The following ITFG1 variants were observed in gnomAD, a reference collection of about 807,000 sequenced individuals.
ITFG1 encodes the protein integrin alpha FG-GAP repeat containing 1.
In ITFG1, 34 loss-of-function variants were observed where a neutral mutation model predicts 81.8. The ratio of observed to expected loss-of-function variants is 0.42; its 90% confidence interval spans 0.32 to 0.55. The LOEUF is 0.55. Among genes scored for constraint, ITFG1 ranks in the 20% least tolerant of loss-of-function variants. ITFG1 has a pLI of 0.17. For synonymous variants in ITFG1, 285 were observed against 270.6 expected, an observed-to-expected ratio of 1.05 and a Z score of -0.52; for missense variants, 672 against 755.4, an observed-to-expected ratio of 0.89 and a Z score of 1.29.
At chr16:47,308,880 AT>A (rs1967211954) in intron 10 of ITFG1, among the ~76,000 whole-genome samples, 2 of 152,164 alleles carry the variant, frequency 1.3e-5, no homozygotes, top group Admixed American at 6.5e-5. Context: ...CTTGCAATGT[AT>A]TAATAACAAT....
At chr16:47,373,028 T>A (rs1042099225) in intron 7 of ITFG1, among the ~76,000 whole-genome samples, 1 of 152,166 alleles carries the variant, frequency 6.6e-6, no homozygotes, top group Non-Finnish European at 1.5e-5. Flanking sequence ...CCTAAAACAA[T>A]AGCTTCTCAG....
chr16:47,262,347 A>G (rs969469191), intron 10 of ITFG1, among the ~76,000 whole-genome samples: 1 of 152,222 alleles, frequency 6.6e-6, no homozygotes, highest in Admixed American at 6.5e-5. Flanking sequence ...CCTGTCTAAC[A>G]ATGAATTTTA....
chr16:47,411,832 G>A (rs1486916743), intron 6 of ITFG1, among the ~76,000 whole-genome samples: 1 of 152,170 alleles, frequency 6.6e-6, no homozygotes, highest in Admixed American at 6.5e-5. Context: ...GAGCGCTCTT[G>A]CAAATGTAGT....
intron 14 of ITFG1, among the ~76,000 whole-genome samples, chr16:47,200,825 A>G (rs775694401): frequency 2.6e-5 from 4 of 152,206 alleles, no homozygotes; most frequent in Admixed American, 6.5e-5. Context: ...GTTTTAATTA[A>G]CTCTCTAGGT....
chr16:47,258,523 G>A, intron 12 of ITFG1, 109 bp downstream of exon 12: 1 of 631,584 alleles, frequency 1.6e-6, no homozygotes, highest in Non-Finnish European at 2.8e-6. Context: ...TGCTGTACTG[G>A]TTGATCTGAT....
At chr16:47,244,794 A>C (rs1437185593) in intron 12 of ITFG1, among the ~76,000 whole-genome samples, 1 of 151,986 alleles carries the variant, frequency 6.6e-6, no homozygotes, top group Non-Finnish European at 1.5e-5. Context: ...CAGGGAGAGG[A>C]TCAGTGTCTC....
intron 5 of ITFG1, among the ~76,000 whole-genome samples, chr16:47,435,555 T>C (rs908970940): frequency 2.6e-5 from 4 of 152,220 alleles, no homozygotes; most frequent in East Asian, 1.9e-4. Context: ...TTAAATGTAA[T>C]TAATGTCAGC....
At chr16:47,328,342 C>T (rs1400576912) in intron 8 of ITFG1, among the ~76,000 whole-genome samples, 3 of 151,764 alleles carry the variant, frequency 2.0e-5, no homozygotes, top group Admixed American at 6.6e-5. Flanking sequence ...AAGGCGGGAG[C>T]GATAGCATTA....
chr16:47,281,944 T>C (rs1966455545), intron 10 of ITFG1, among the ~76,000 whole-genome samples: 1 of 152,100 alleles, frequency 6.6e-6, no homozygotes, highest in Admixed American at 6.6e-5. Flanking sequence ...GTCTGGGCTT[T>C]TAGTATACAA....
At chr16:47,181,442 G>A (rs1486277187) in intron 14 of ITFG1, among the ~76,000 whole-genome samples, 1 of 142,010 alleles carries the variant, frequency 7.0e-6, no homozygotes, top group African/African-American at 2.7e-5. Context: ...CCCCGTCCGG[G>A]AGGGAGGTGG....
chr16:47,161,599 G>A (rs1964806316), intron 16 of ITFG1, 151 bp downstream of exon 16: 4 of 493,510 alleles, frequency 8.1e-6, no homozygotes, highest in Middle Eastern at 2.9e-4. Context: ...ATGTAAGTAT[G>A]TTTAGTCATT....
At chr16:47,386,131 T>G (rs1293814615) in intron 6 of ITFG1, among the ~76,000 whole-genome samples, 1 of 152,122 alleles carries the variant, frequency 6.6e-6, no homozygotes, top group Non-Finnish European at 1.5e-5. Context: ...GACAGTGTGA[T>G]CCCTACAGAC....
chr16:47,216,260 C>G (rs1464311825), intron 14 of ITFG1, among the ~76,000 whole-genome samples: 1 of 151,984 alleles, frequency 6.6e-6, no homozygotes, highest in African/African-American at 2.4e-5. Context: ...AGTGCAATGC[C>G]CTCAGCTCAC....
intron 14 of ITFG1, among the ~76,000 whole-genome samples, chr16:47,181,654 GC>G (rs1965125003): frequency 6.6e-6 from 1 of 152,014 alleles, no homozygotes; most frequent in Non-Finnish European, 1.5e-5. Flanking sequence ...GAGCCCCTCT[GC>G]CCGGCCACCA....
At chr16:47,320,311 C>T (rs1195961783) in intron 8 of ITFG1, among the ~76,000 whole-genome samples, 9 of 152,140 alleles carry the variant, frequency 5.9e-5, no homozygotes, top group Non-Finnish European at 2.9e-5. Flanking sequence ...CTGTGATTTA[C>T]TAATATTTTG....
chr16:47,447,023 G>A (rs933526991), intron 5 of ITFG1, among the ~76,000 whole-genome samples: 2 of 151,848 alleles, frequency 1.3e-5, no homozygotes, highest in African/African-American at 4.8e-5. Flanking sequence ...CATCATGCTC[G>A]ATTAATTTTT....
chr16:47,183,858 A>C (rs1160648400), intron 14 of ITFG1, among the ~76,000 whole-genome samples: 1 of 152,182 alleles, frequency 6.6e-6, no homozygotes, highest in East Asian at 1.9e-4. Flanking sequence ...GAGGACATTC[A>C]AACCAAAGGC....
intron 6 of ITFG1, among the ~76,000 whole-genome samples, chr16:47,383,949 G>C (rs1968427886): frequency 6.6e-6 from 1 of 152,194 alleles, no homozygotes; most frequent in Non-Finnish European, 1.5e-5. Flanking sequence ...TGATGTTAAA[G>C]GACTTCCCAA....
At chr16:47,198,227 G>GGCCAAA (rs1311300609) in intron 14 of ITFG1, among the ~76,000 whole-genome samples, 1 of 152,130 alleles carries the variant, frequency 6.6e-6, no homozygotes. Context: ...CTTTGCCAGC[G>GGCCAAA]TATTAGAATG....
Sources: gnomAD v4.1 joint callset for allele counts (sites outside exome capture counted in the v4.1 genomes callset) on GRCh38, gnomAD v4.1.1 for gene constraint, MANE v1.5 for transcripts, NCBI Gene and HGNC (gene_info 2026-07-23, HGNC 2026-07-21) for gene names.